The following PPM1B variants were observed in gnomAD, a reference collection of about 807,000 sequenced individuals.
PPM1B encodes the protein protein phosphatase 1B.
PPM1B carries 22 observed loss-of-function variants against 43.0 expected under a neutral mutation model. The ratio of observed to expected loss-of-function variants is 0.51; its 90% CI spans 0.37 to 0.73. The LOEUF is 0.73. Ranked by LOEUF, PPM1B falls within the 30% of genes least tolerant of loss-of-function variation. The pLI is 0.00. For synonymous variants in PPM1B, 217 were observed against 197.9 expected, an observed-to-expected ratio of 1.10 and a Z score of -0.81; for missense variants, 632 against 584.2, an observed-to-expected ratio of 1.08 and a Z score of -0.84.
intron 5 of PPM1B, among the ~76,000 whole-genome samples, chr2:44,242,575 T>C (rs1670772370): frequency 6.6e-6 from 1 of 152,190 alleles, no homozygotes; most frequent in Admixed American, 6.5e-5. Context: ...TTTACAATCT[T>C]AATAGTATAC....
chr2:44,232,154 A>G (rs569524068), downstream of PPM1B, among the ~76,000 whole-genome samples: 1 of 152,340 alleles, frequency 6.6e-6, no homozygotes, highest in African/African-American at 2.4e-5. Context: ...ATACACGTGT[A>G]CACACACAAT....
intron 5 of PPM1B, among the ~76,000 whole-genome samples, chr2:44,227,172 C>A (rs571025718): frequency 4.0e-5 from 6 of 151,632 alleles, no homozygotes; most frequent in Non-Finnish European, 8.8e-5. Flanking sequence ...ACGGGGTCTC[C>A]CCGTGTTGCT....
At chr2:44,193,648 C>T (rs1668515884) in intron 1 of PPM1B, among the ~76,000 whole-genome samples, 1 of 146,384 alleles carries the variant, frequency 6.8e-6, no homozygotes, top group African/African-American at 2.6e-5. Context: ...GCTACGATCT[C>T]AGCTCACTGT....
rs757615595 is a variant in PPM1B, at chr2:44,230,643, A to T, written c.1365A>T (p.Glu455Asp). Residue 455 changes from glutamate to aspartate, a missense_variant, in exon 6 of 6, where the codon GAA (glutamate) becomes GAT (aspartate). Glu to Asp is a conservative substitution (Grantham distance 45). Coordinates refer to ENST00000282412, the MANE Select transcript of PPM1B (RefSeq NM_002706.6). ...TGACAATGCAGGAAAGCCATACTGAATCAGAAAGTGGTCTTGCTGAATTAG... is the reference window on the plus strand; with the variant it reads ...TGACAATGCAGGAAAGCCATACTGATTCAGAAAGTGGTCTTGCTGAATTAG... The part of the protein sequence containing the change: ...NPVTMQESHT[E>D]SESGLAELDS... 5.0e-6 allele frequency: 8 copies of T among 1,614,186 alleles called. No individual in the cohort carries two copies. In the South Asian group the frequency reaches 8.8e-5, roughly 18 times the overall value.
chr2:44,169,974 A>C (rs1183028489), intron 1 of PPM1B, among the ~76,000 whole-genome samples: 2 of 152,222 alleles, frequency 1.3e-5, no homozygotes, highest in African/African-American at 2.4e-5. Flanking sequence ...ATATGTGGTA[A>C]ATCAGTTTTT....
chr2:44,207,167 C>G (rs943518767), intron 2 of PPM1B, among the ~76,000 whole-genome samples: 3 of 150,962 alleles, frequency 2.0e-5, no homozygotes, highest in African/African-American at 7.4e-5. Context: ...TGCCTTCAAA[C>G]TTTACTCCCA....
At chr2:44,224,312 G>A (rs1449234545) in intron 5 of PPM1B, among the ~76,000 whole-genome samples, 13 of 151,568 alleles carry the variant, frequency 8.6e-5, no homozygotes, top group Admixed American at 3.3e-4. Context: ...AAAATTAGCC[G>A]GGCGTGGTGG....
chr2:44,194,954 G>A (rs756906518), intron 1 of PPM1B, among the ~76,000 whole-genome samples: 125 of 146,504 alleles, frequency 8.5e-4, no homozygotes, highest in Non-Finnish European at 1.5e-3. Context: ...GCTGGAGTGC[G>A]GTGGCGCAAT....
intron 3 of PPM1B, among the ~76,000 whole-genome samples, chr2:44,211,349 T>G (rs1669457837): frequency 6.6e-6 from 1 of 152,204 alleles, no homozygotes; most frequent in South Asian, 2.1e-4. Flanking sequence ...TTGACATTTT[T>G]CAAGAGTACA....
chr2:44,235,339 C>G (rs1038513277), downstream of PPM1B, among the ~76,000 whole-genome samples: 1 of 152,192 alleles, frequency 6.6e-6, no homozygotes, highest in African/African-American at 2.4e-5. Flanking sequence ...CACAGTGATT[C>G]ATGCCTGTAA....
chr2:44,234,517 CAAAAAAAAAAAA>C (rs1161325442), downstream of PPM1B: 1 of 537,020 alleles, frequency 1.9e-6, no homozygotes, highest in African/African-American at 2.8e-5. Flanking sequence ...GACTCCGTCT[CAAAAAAAAAAAA>C]AAAGAAAAAA....
intron 1 of PPM1B, among the ~76,000 whole-genome samples, chr2:44,199,069 C>G (rs1464784635): frequency 6.6e-6 from 1 of 151,814 alleles, no homozygotes; most frequent in African/African-American, 2.4e-5. Flanking sequence ...CCAATCTGGC[C>G]AACATAGTGA....
At chr2:44,199,975 G>C (rs1239234251) in intron 1 of PPM1B, among the ~76,000 whole-genome samples, 1 of 152,068 alleles carries the variant, frequency 6.6e-6, no homozygotes. Context: ...AGACCCAAAT[G>C]GAGGTAAATT....
At chr2:44,198,400 A>G (rs1474220054) in intron 1 of PPM1B, among the ~76,000 whole-genome samples, 1 of 152,082 alleles carries the variant, frequency 6.6e-6, no homozygotes, top group East Asian at 1.9e-4. Context: ...GCCTCAAGTG[A>G]TCCGCCCGCC....
intron 1 of PPM1B, among the ~76,000 whole-genome samples, chr2:44,180,429 A>G (rs1010154692): frequency 6.6e-6 from 1 of 152,212 alleles, no homozygotes; most frequent in African/African-American, 2.4e-5. Flanking sequence ...GGTGATTTAA[A>G]TGAATCAGCA....
downstream of PPM1B, among the ~76,000 whole-genome samples, chr2:44,236,885 A>C (rs1302862823): frequency 6.6e-6 from 1 of 152,240 alleles, no homozygotes; most frequent in Non-Finnish European, 1.5e-5. Flanking sequence ...AAAACGTGAT[A>C]AGATTTCTTG....
rs1668908118 is a variant in PPM1B at position 44,201,031 on chromosome 2, G to A, written c.-14-155G>A. 6.6e-6 allele frequency among the ~76,000 whole-genome samples: 1 copy of A among 152,016 alleles called. No homozygotes were observed. Among genetic ancestry groups the A allele is most frequent in the African/African-American group, 2.4e-5 (1 of 41,366 alleles). On this transcript the variant is annotated intron_variant, in intron 1 of 5. Coordinates refer to ENST00000282412, the MANE Select transcript of PPM1B (RefSeq NM_002706.6). The surrounding 1 kb of genome is among the most constrained non-coding windows in gnomAD (Gnocchi z 5.4). ...GAAACCACTGTTCTGTAGGATGTAG[G>A]GGAGGAAATTTCTTGGGCTTTTGTT...
intron 1 of PPM1B, among the ~76,000 whole-genome samples, chr2:44,184,966 C>T (rs1025478836): frequency 2.0e-5 from 3 of 147,848 alleles, no homozygotes; most frequent in South Asian, 4.4e-4. Flanking sequence ...CTTATTAGAC[C>T]GGCCACTAGA....
At chr2:44,232,355 C>T (rs1195689100), downstream of PPM1B, 1 of 1,604,620 alleles carries the variant, frequency 6.2e-7, no homozygotes, top group South Asian at 1.1e-5. Context: ...GCCTTAAAAA[C>T]CTTCTAAAAT....
Sources: gnomAD v4.1 joint callset for allele counts (sites outside exome capture counted in the v4.1 genomes callset) on GRCh38, gnomAD v4.1.1 for gene constraint, Gnocchi (gnomAD v3.1) non-coding constraint, MANE v1.5 for transcripts, NCBI Gene and HGNC (gene_info 2026-07-23, HGNC 2026-07-21) for gene names.